The following SCAI variants were observed in gnomAD, a reference collection of about 807,000 sequenced individuals.
SCAI encodes protein SCAI.
A neutral mutation model predicts 92.2 loss-of-function variants in SCAI; 24 were observed. The ratio of observed to expected loss-of-function variants is 0.26; its 90% confidence interval spans 0.19 to 0.37. The LOEUF (loss-of-function observed/expected upper bound fraction) is 0.37. SCAI is among the 10% of genes least tolerant of loss of function. The probability of loss-of-function intolerance (pLI) is 1.00; values close to 1 mark genes in which losing one functional copy is unlikely to be tolerated. For missense variants in SCAI, 450 were observed against 736.2 expected, an observed-to-expected ratio of 0.61 and a Z score of 4.50; for synonymous variants, 261 against 258.6, an observed-to-expected ratio of 1.01 and a Z score of -0.09.
At position 125,018,890 on chromosome 9, in the gene SCAI, G is replaced by C; in HGVS notation, c.770C>G (p.Ala257Gly). 6.2e-7 allele frequency: 1 copy of C among 1,613,984 alleles called. No homozygotes were observed. The highest frequency in any genetic ancestry group is 8.5e-7 in the Non-Finnish European group (1 of 1,179,940). ...NTIVITSNRL[A>G]ETGAPLLEQG... ...TTCCAGCAATGGGGCTCCTGTTTCA[G>C]CAAGGCGATTCGATGTGATAACAAT... The change falls in exon 9 of 18, where the codon GCT (alanine) becomes GGT (glycine). Residue 257 changes from alanine to glycine, a missense_variant. Ala to Gly is a moderately conservative substitution (Grantham distance 60). Around this residue, in one of 3 missense-constraint regions of SCAI, gnomAD observed 360 missense variants for 601.8 expected, o/e 0.60. Transcript: ENST00000336505.
In SCAI at chr9:124,971,469, A is replaced by G. The variant is rs895969269; in HGVS notation, c.1575T>C (p.Asp525=). 1 of 1,602,638 alleles carries G rather than the reference A, an allele frequency of 6.2e-7. No homozygotes were observed. Among genetic ancestry groups the G allele is most frequent in the Non-Finnish European group, 8.5e-7 (1 of 1,172,508 alleles). ...CTCCAAAAAACTGGAGAAATGCCTG[A>G]TCTGCAAAGAGGAGAAAAGTGACAG... ...AQLLTHSRSI[D]QAFLQFFGDE... Residue 525 remains aspartate, a splice_region_variant and synonymous_variant, in exon 17 of 18, where the codon GAT becomes GAC. Coordinates refer to ENST00000336505, the MANE Select transcript of SCAI (RefSeq NM_001144877.3).
At chr9:125,139,946 G>T (rs973138648) in intron 2 of SCAI, among the ~76,000 whole-genome samples, 6 of 152,222 alleles carry the variant, frequency 3.9e-5, no homozygotes, top group African/African-American at 1.4e-4. Context: ...AAAAAGAAAG[G>T]CTGGGTATGG....
chr9:125,039,367 C>G (rs1487190952), intron 3 of SCAI, among the ~76,000 whole-genome samples: 1 of 122,686 alleles, frequency 8.2e-6, no homozygotes, highest in African/African-American at 3.2e-5. Context: ...AGCCTGGCAA[C>G]AGAGCGAGAC....
rs76807385 is a variant in SCAI, at chr9:125,139,923, T to C, written c.98+2710A>G. On this transcript the variant is annotated intron_variant, in intron 2 of 17. Coordinates refer to ENST00000336505, the MANE Select transcript of SCAI (RefSeq NM_001144877.3). ...GCAGCTTTTAATTTTCTAGTAGCCA[T>C]ATTAGAAAAAATAAAAAGAAAGGCT... is the stretch of plus-strand genomic sequence containing the variant. Among the ~76,000 whole-genome samples the C allele has an allele frequency of 0.018, 2,798 of 152,268 alleles. 160 individuals carry two copies. The East Asian group carries it at 0.23, about 12-fold the overall frequency.
chr9:125,082,989 G>C (rs1044586036), intron 2 of SCAI, among the ~76,000 whole-genome samples: 3 of 152,176 alleles, frequency 2.0e-5, no homozygotes, highest in Admixed American at 2.0e-4. Flanking sequence ...TTTGAAATGT[G>C]AAGACATGAG....
Position 125,135,192 on chromosome 9 carries a change from G to C in SCAI, c.98+7441C>G, listed in dbSNP as rs537266293. Among the ~76,000 whole-genome samples the C allele has an allele frequency of 2.1e-3, 319 of 152,286 alleles. 1 individual carries two copies. Among genetic ancestry groups the C allele is most frequent in the Middle Eastern group, 6.8e-3 (2 of 294 alleles). ...GAAATAAAAGTTTTAAGGGGAAAAA[G>C]ATACAAAGAAATAATAATGCATGAG... On this transcript the variant is annotated intron_variant, in intron 2 of 17. Transcript: ENST00000336505.
At chr9:125,074,599 A>C (rs146710974) in intron 2 of SCAI, among the ~76,000 whole-genome samples, 3 of 151,964 alleles carry the variant, frequency 2.0e-5, no homozygotes, top group East Asian at 3.9e-4. Context: ...AGTGGCAAAG[A>C]ACAGATAGAA....
chr9:125,053,252 T>G (rs149211013), intron 3 of SCAI, among the ~76,000 whole-genome samples: 2,548 of 152,186 alleles, frequency 0.017, 75 homozygotes, highest in African/African-American at 0.059. Flanking sequence ...GAAAATTGCT[T>G]GAACCCAGGA....
chr9:125,048,548 AAGAAGAAAAG>A (rs927876207), intron 3 of SCAI, among the ~76,000 whole-genome samples: 1 of 152,024 alleles, frequency 6.6e-6, no homozygotes, highest in Non-Finnish European at 1.5e-5. Flanking sequence ...AGAGGGAGGA[AAGAAGAAAAG>A]AGAAGAAGAA....
intron 2 of SCAI, among the ~76,000 whole-genome samples, chr9:125,061,681 G>T (rs1434783590): frequency 6.6e-6 from 1 of 152,132 alleles, no homozygotes; most frequent in East Asian, 1.9e-4. Context: ...GACTGCTTGA[G>T]CACAGGGGTT....
chr9:125,021,569 T>C (rs1434872781), intron 6 of SCAI, among the ~76,000 whole-genome samples: 1 of 152,232 alleles, frequency 6.6e-6, no homozygotes, highest in Non-Finnish European at 1.5e-5. Context: ...ATTTTATCTG[T>C]TCACACATAA....
intron 17 of SCAI, among the ~76,000 whole-genome samples, chr9:124,970,285 TA>T (rs1483386036): frequency 6.6e-6 from 1 of 152,140 alleles, no homozygotes; most frequent in Admixed American, 6.5e-5. Context: ...GTGAAAGCTA[TA>T]GTCAATCAAC....
intron 9 of SCAI, among the ~76,000 whole-genome samples, chr9:125,004,316 T>A (rs1303680507): frequency 2.7e-5 from 4 of 148,882 alleles, no homozygotes; most frequent in Non-Finnish European, 4.4e-5. Context: ...CACAAGGATC[T>A]CCAGCCCAAA....
chr9:125,039,104 G>C (rs1401157880), intron 3 of SCAI, among the ~76,000 whole-genome samples: 2 of 152,034 alleles, frequency 1.3e-5, no homozygotes, highest in South Asian at 2.1e-4. Flanking sequence ...GTAGCAATCT[G>C]GGGCCGGGTG....
At chr9:125,098,979 A>G (rs2131209573) in intron 2 of SCAI, among the ~76,000 whole-genome samples, 1 of 152,316 alleles carries the variant, frequency 6.6e-6, no homozygotes, top group South Asian at 2.1e-4. Flanking sequence ...GATTAAAAAA[A>G]AAAAATTAGA....
chr9:125,090,910 A>G (rs1461359909), intron 2 of SCAI, among the ~76,000 whole-genome samples: 1 of 152,128 alleles, frequency 6.6e-6, no homozygotes, highest in Non-Finnish European at 1.5e-5. Context: ...TGAGGTCAAG[A>G]GATCGAGACC....
At chr9:124,962,087 C>A (rs1407063660) in intron 17 of SCAI, among the ~76,000 whole-genome samples, 1 of 149,036 alleles carries the variant, frequency 6.7e-6, no homozygotes, top group African/African-American at 2.5e-5. Flanking sequence ...AGCTGTAGAT[C>A]CTTCACTTTC....
chr9:125,109,903 G>T (rs1292904779), intron 2 of SCAI, among the ~76,000 whole-genome samples: 1 of 152,122 alleles, frequency 6.6e-6, no homozygotes, highest in Non-Finnish European at 1.5e-5. Flanking sequence ...GGCCAGGCTG[G>T]TCTCAAACTC....
chr9:125,132,097 T>A (rs1835413824), intron 2 of SCAI, among the ~76,000 whole-genome samples: 1 of 151,946 alleles, frequency 6.6e-6, no homozygotes, highest in African/African-American at 2.4e-5. Context: ...GTTATCCCAT[T>A]CATTTTCTTT....
Sources: allele counts gnomAD v4.1 joint callset (sites outside exome capture counted in the v4.1 genomes callset), GRCh38; gene constraint gnomAD v4.1.1; regional missense constraint gnomAD v4.1.1; transcripts MANE v1.5; gene names NCBI Gene and HGNC (gene_info 2026-07-23, HGNC 2026-07-21).